DIAPH3: variants seen among roughly 807,000 people sequenced by gnomAD.
DIAPH3 encodes the protein protein diaphanous homolog 3.
Under a neutral mutation model 144.3 loss-of-function variants are expected in DIAPH3, and 117 were observed. The observed-to-expected ratio is 0.81, with a 90% CI of 0.70 to 0.95. DIAPH3 has a LOEUF of 0.95. DIAPH3 is among the 40% of genes least tolerant of loss of function. The pLI, the probability that DIAPH3 is intolerant of heterozygous loss-of-function variation, is 0.00. For missense variants in DIAPH3, 1,421 were observed against 1,412.7 expected (o/e 1.01, Z -0.09); for synonymous variants, 519 against 488.9 (o/e 1.06, Z -0.81).
intron 20 of DIAPH3, among the ~76,000 whole-genome samples, chr13:59,882,996 A>G (rs1194652389): frequency 6.6e-6 from 1 of 152,204 alleles, no homozygotes; most frequent in Non-Finnish European, 1.5e-5. Flanking sequence ...AGCAATATCC[A>G]GAACCCTAAG....
chr13:59,799,431 T>A (rs572830563), intron 25 of DIAPH3, among the ~76,000 whole-genome samples: 12 of 147,342 alleles, frequency 8.1e-5, no homozygotes, highest in Admixed American at 6.1e-4. Context: ...AGAAGGAGAA[T>A]TGACTACATT....
intron 24 of DIAPH3, among the ~76,000 whole-genome samples, chr13:59,814,939 T>C (rs781763928): frequency 2.0e-5 from 3 of 152,228 alleles, no homozygotes; most frequent in Non-Finnish European, 4.4e-5. Flanking sequence ...ATTATGGTAT[T>C]TGTCTCTCAG....
At chr13:59,702,268 T>C (rs2034152608) in intron 27 of DIAPH3, among the ~76,000 whole-genome samples, 1 of 152,142 alleles carries the variant, frequency 6.6e-6, no homozygotes, top group Non-Finnish European at 1.5e-5. Flanking sequence ...TGCCTTCTCA[T>C]TACCTAACTT....
intron 2 of DIAPH3, among the ~76,000 whole-genome samples, chr13:60,132,299 T>C (rs746168239): frequency 2.2e-4 from 33 of 152,318 alleles, no homozygotes; most frequent in Middle Eastern, 6.8e-3. Context: ...ATGCAAAGCC[T>C]GGTCAATGGG....
intron 25 of DIAPH3, among the ~76,000 whole-genome samples, chr13:59,783,112 CA>C (rs1290264692): frequency 1.3e-5 from 2 of 151,948 alleles, no homozygotes; most frequent in Non-Finnish European, 2.9e-5. Flanking sequence ...AGGCAAAAAA[CA>C]AACAAACAAA....
intron 20 of DIAPH3, among the ~76,000 whole-genome samples, chr13:59,895,389 T>A (rs1248100796): frequency 1.8e-5 from 2 of 110,034 alleles, no homozygotes; most frequent in African/African-American, 3.6e-5. Context: ...TAATGGAAAA[T>A]AGCAGACTTG....
At chr13:59,728,626 T>C (rs1044772933) in intron 27 of DIAPH3, among the ~76,000 whole-genome samples, 1 of 152,070 alleles carries the variant, frequency 6.6e-6, no homozygotes, top group Non-Finnish European at 1.5e-5. Flanking sequence ...AATATAATCA[T>C]GGTTAATTGG....
intron 27 of DIAPH3, among the ~76,000 whole-genome samples, chr13:59,683,794 A>G (rs888255220): frequency 1.3e-5 from 2 of 152,194 alleles, no homozygotes; most frequent in Non-Finnish European, 2.9e-5. Flanking sequence ...TGTCAATGCT[A>G]TACTAAAGAG....
intron 17 of DIAPH3, among the ~76,000 whole-genome samples, chr13:59,969,326 T>A (rs2050223622): frequency 6.6e-6 from 1 of 152,214 alleles, no homozygotes; most frequent in Admixed American, 6.5e-5. Context: ...ACATTATAAA[T>A]CTGATATTTT....
chr13:59,992,601 G>A lies in DIAPH3; in HGVS notation c.1015-18C>T. The A allele has an allele frequency of 6.3e-7, 1 of 1,585,464 alleles. No individual in the cohort carries two copies. Among genetic ancestry groups the A allele is most frequent in the Non-Finnish European group, 8.7e-7 (1 of 1,155,748 alleles). ...CAAGCTACCTACAAGAGATCAAACAGTGAGACAGACTGGGTTTCCAACATT... is the reference window on the plus strand; with the variant it reads ...CAAGCTACCTACAAGAGATCAAACAATGAGACAGACTGGGTTTCCAACATT... On this transcript the variant is annotated intron_variant, in intron 9 of 27. Coordinates refer to ENST00000400324, the MANE Select transcript of DIAPH3 (RefSeq NM_001042517.2).
chr13:59,705,649 C>T (rs1213970714), intron 27 of DIAPH3, among the ~76,000 whole-genome samples: 1 of 152,034 alleles, frequency 6.6e-6, no homozygotes, highest in East Asian at 1.9e-4. Flanking sequence ...GAAGTAAGTA[C>T]GTTAGTGTTT....
At chr13:60,038,300 T>C (rs2055377078) in intron 5 of DIAPH3, among the ~76,000 whole-genome samples, 1 of 152,150 alleles carries the variant, frequency 6.6e-6, no homozygotes. Flanking sequence ...TTAAAGTAAG[T>C]CAAAGTATTA....
At chr13:60,085,301 C>T (rs1269057253) in intron 4 of DIAPH3, among the ~76,000 whole-genome samples, 3 of 151,998 alleles carry the variant, frequency 2.0e-5, no homozygotes, top group Non-Finnish European at 4.4e-5. Context: ...GCAAACTATC[C>T]TTGAAGCCAC....
intron 27 of DIAPH3, among the ~76,000 whole-genome samples, chr13:59,696,545 C>T (rs1048962056): frequency 3.3e-5 from 5 of 152,188 alleles, no homozygotes; most frequent in African/African-American, 4.8e-5. Flanking sequence ...CACTTTAGAT[C>T]TCACTGTTAT....
At chr13:60,026,743 C>T (rs764500064) in intron 5 of DIAPH3, among the ~76,000 whole-genome samples, 1 of 152,084 alleles carries the variant, frequency 6.6e-6, no homozygotes, top group Admixed American at 6.5e-5. Context: ...TCTCTCTCTC[C>T]TCCAAGAAGT....
chr13:59,882,534 G>C (rs910676213), intron 20 of DIAPH3, among the ~76,000 whole-genome samples: 7 of 152,122 alleles, frequency 4.6e-5, no homozygotes, highest in African/African-American at 1.7e-4. Context: ...ATCAACACTG[G>C]GGATTTGCAT....
At chr13:60,095,281 C>T (rs553769343) in intron 3 of DIAPH3, among the ~76,000 whole-genome samples, 6 of 152,276 alleles carry the variant, frequency 3.9e-5, no homozygotes, top group African/African-American at 1.4e-4. Flanking sequence ...GCAAGATGGT[C>T]GTGTTACACA....
At chr13:60,066,742 A>G (rs1312125999) in intron 4 of DIAPH3, among the ~76,000 whole-genome samples, 3 of 152,234 alleles carry the variant, frequency 2.0e-5, no homozygotes, top group Non-Finnish European at 4.4e-5. Context: ...CAGAAATGGC[A>G]CATGCCATAT....
chr13:59,934,749 T>A (rs953884195), intron 17 of DIAPH3, among the ~76,000 whole-genome samples: 3 of 152,174 alleles, frequency 2.0e-5, no homozygotes, highest in Admixed American at 6.5e-5. Flanking sequence ...GGCTTGGCTA[T>A]GAGCAGACCT....
Sources: gnomAD v4.1 joint callset for allele counts (sites outside exome capture counted in the v4.1 genomes callset) on GRCh38, gnomAD v4.1.1 for gene constraint, MANE v1.5 for transcripts, NCBI Gene and HGNC (gene_info 2026-07-23, HGNC 2026-07-21) for gene names.